The following NALF1 variants were observed in gnomAD, a reference collection of about 807,000 sequenced individuals.
NALF1 encodes NALCN channel auxiliary factor 1.
Under a neutral mutation model 48.4 loss-of-function variants are expected in NALF1, and 3 were observed. That is an observed-to-expected ratio of 0.06 (90% CI 0.03 to 0.16). NALF1 has a LOEUF of 0.16. Ranked by LOEUF, NALF1 falls within the 10% of genes least tolerant of loss-of-function variation. The probability of loss-of-function intolerance (pLI) is 1.00; values close to 1 mark genes in which losing one functional copy is unlikely to be tolerated. For missense variants in NALF1, 526 were observed against 571.5 expected (o/e 0.92, Z 0.81); for synonymous variants, 262 against 245.7 (o/e 1.07, Z -0.62).
intron 1 of NALF1, among the ~76,000 whole-genome samples, chr13:107,630,545 T>C (rs985468548): frequency 3.9e-5 from 6 of 152,138 alleles, no homozygotes; most frequent in African/African-American, 1.4e-4. Context: ...ATACTGTTTT[T>C]ACCATCTTTT....
intron 1 of NALF1, among the ~76,000 whole-genome samples, chr13:107,349,143 T>G (rs1416923889): frequency 6.6e-6 from 1 of 152,234 alleles, no homozygotes; most frequent in African/African-American, 2.4e-5. Context: ...GACATTCTCA[T>G]TAGCCTGATT....
At chr13:107,464,960 T>C (rs1341431648) in intron 1 of NALF1, among the ~76,000 whole-genome samples, 1 of 152,200 alleles carries the variant, frequency 6.6e-6, no homozygotes, top group East Asian at 1.9e-4. Context: ...GGAGTCATTA[T>C]AAGATAGGCT....
At chr13:107,514,472 A>G (rs1008607656) in intron 1 of NALF1, among the ~76,000 whole-genome samples, 5 of 152,040 alleles carry the variant, frequency 3.3e-5, no homozygotes, top group South Asian at 2.1e-4. Flanking sequence ...CTACCTATCT[A>G]TAAATCAATT....
chr13:107,571,722 C>G (rs935194581), intron 1 of NALF1, among the ~76,000 whole-genome samples: 3 of 152,044 alleles, frequency 2.0e-5, no homozygotes, highest in African/African-American at 7.2e-5. Context: ...AGAAATGAGC[C>G]AATAATGTGT....
chr13:107,822,565 A>G (rs1879390949), intron 1 of NALF1, among the ~76,000 whole-genome samples: 1 of 152,228 alleles, frequency 6.6e-6, no homozygotes, highest in South Asian at 2.1e-4. Context: ...GCTTTATCAT[A>G]TAAGCAGGTT....
At chr13:107,716,861 C>T (rs1245159910) in intron 1 of NALF1, among the ~76,000 whole-genome samples, 1 of 151,694 alleles carries the variant, frequency 6.6e-6, no homozygotes, top group Non-Finnish European at 1.5e-5. Flanking sequence ...CATCTTTACA[C>T]CTTTTTTGGT....
At chr13:107,397,271 T>C (rs577912329) in intron 1 of NALF1, among the ~76,000 whole-genome samples, 2 of 152,252 alleles carry the variant, frequency 1.3e-5, no homozygotes. Flanking sequence ...ATTTCCCTTC[T>C]CTCCAGGTCT....
intron 1 of NALF1, among the ~76,000 whole-genome samples, chr13:107,520,444 A>G (rs1258050220): frequency 6.6e-6 from 1 of 152,244 alleles, no homozygotes; most frequent in East Asian, 1.9e-4. Flanking sequence ...AGAGGATTGA[A>G]GCTATACCTG....
At chr13:107,171,532 CTCTTCACTT>C (rs1878805008) in intron 2 of NALF1, among the ~76,000 whole-genome samples, 1 of 152,218 alleles carries the variant, frequency 6.6e-6, no homozygotes, top group African/African-American at 2.4e-5. Flanking sequence ...CTCTTGTTCT[CTCTTCACTT>C]TCTTCCTCCT....
chr13:107,855,073 G>A (rs551731539), intron 1 of NALF1, among the ~76,000 whole-genome samples: 1 of 152,040 alleles, frequency 6.6e-6, no homozygotes, highest in East Asian at 1.9e-4. Flanking sequence ...GCAGGGAGTG[G>A]TCACCTCTTT....
chr13:107,661,719 C>T (rs765866356), intron 1 of NALF1, among the ~76,000 whole-genome samples: 2 of 151,880 alleles, frequency 1.3e-5, no homozygotes, highest in African/African-American at 2.4e-5. Context: ...CTGGGAAAAT[C>T]ATGGGTTCTC....
intron 1 of NALF1, among the ~76,000 whole-genome samples, chr13:107,644,638 C>CATATATATATATATATAT (rs1170442694): frequency 4.6e-4 from 20 of 43,370 alleles, no homozygotes; most frequent in East Asian, 4.2e-3. Flanking sequence ...TACATACATA[C>CATATATATATATATATAT]ATACATACAT....
chr13:107,363,985 T>C (rs1241650833), intron 1 of NALF1, among the ~76,000 whole-genome samples: 1 of 152,182 alleles, frequency 6.6e-6, no homozygotes, highest in Non-Finnish European at 1.5e-5. Context: ...AATAGCCTGG[T>C]TTTGCTCATT....
At chr13:107,633,976 G>A (rs919665115) in intron 1 of NALF1, among the ~76,000 whole-genome samples, 5 of 108,294 alleles carry the variant, frequency 4.6e-5, no homozygotes, top group South Asian at 3.1e-4. Context: ...CATACATCCT[G>A]TTTTACCAAA....
chr13:107,296,065 G>T (rs1302862214), intron 1 of NALF1, among the ~76,000 whole-genome samples: 1 of 152,190 alleles, frequency 6.6e-6, no homozygotes, highest in Non-Finnish European at 1.5e-5. Context: ...GCAAGTCATT[G>T]CCAACTTGGC....
At chr13:107,445,743 C>T (rs544918130) in intron 1 of NALF1, among the ~76,000 whole-genome samples, 1 of 152,204 alleles carries the variant, frequency 6.6e-6, no homozygotes, top group South Asian at 2.1e-4. Flanking sequence ...TTCATTGTAG[C>T]CATTTTGATA....
chr13:107,724,345 T>A (rs1876085354), intron 1 of NALF1, among the ~76,000 whole-genome samples: 1 of 152,146 alleles, frequency 6.6e-6, no homozygotes, highest in Non-Finnish European at 1.5e-5. Context: ...AAAAAATGAT[T>A]AAAAAAGAAA....
intron 1 of NALF1, among the ~76,000 whole-genome samples, chr13:107,774,897 T>C (rs1566476809): frequency 6.6e-6 from 1 of 152,164 alleles, no homozygotes. Context: ...GATATCTCTA[T>C]ATTATGCACA....
intron 1 of NALF1, among the ~76,000 whole-genome samples, chr13:107,245,531 A>G (rs572099529): frequency 6.4e-4 from 98 of 152,276 alleles, no homozygotes; most frequent in African/African-American, 2.2e-3. Flanking sequence ...ATAAATCCTT[A>G]CTGTAAAATA....
Sources: gnomAD v4.1 joint callset for allele counts (sites outside exome capture counted in the v4.1 genomes callset) on GRCh38, gnomAD v4.1.1 for gene constraint, MANE v1.5 for transcripts, NCBI Gene and HGNC (gene_info 2026-07-23, HGNC 2026-07-21) for gene names.